The following ZNF445 variants were observed in gnomAD, a reference collection of about 807,000 sequenced individuals.
The protein encoded by ZNF445 is zinc finger protein 445, also known as zinc finger protein 168.
A neutral mutation model predicts 93.9 loss-of-function variants in ZNF445; 19 were observed. The ratio of observed to expected loss-of-function variants is 0.20; its 90% confidence interval spans 0.14 to 0.30. The LOEUF (loss-of-function observed/expected upper bound fraction) is 0.30, where lower values mean the gene tolerates loss of function less well. ZNF445 is among the 10% of genes least tolerant of loss of function. ZNF445 has a pLI of 1.00. For missense variants in ZNF445, 1,058 were observed against 1,259.4 expected (o/e 0.84, Z 2.42); for synonymous variants, 449 against 446.3 (o/e 1.01, Z -0.08).
At chr3:44,458,966 A>G (rs1428830615) in intron 1 of ZNF445, among the ~76,000 whole-genome samples, 1 of 152,240 alleles carries the variant, frequency 6.6e-6, no homozygotes, top group Non-Finnish European at 1.5e-5. Flanking sequence ...TTGTCCAGTC[A>G]CGTTTTACAT....
chr3:44,462,178 C>T (rs1368616170), intron 1 of ZNF445, among the ~76,000 whole-genome samples: 1 of 152,096 alleles, frequency 6.6e-6, no homozygotes, highest in Non-Finnish European at 1.5e-5. Context: ...GGTTTAGGAC[C>T]CCTATAAGTC....
At position 44,451,256 on chromosome 3, in the gene ZNF445, A is replaced by G. The variant is rs540164089; in HGVS notation, c.598+58T>C. On this transcript the variant is annotated intron_variant, in intron 4 of 7. Coordinates refer to ENST00000396077, the MANE Select transcript of ZNF445 (RefSeq NM_181489.6). Reference sequence around the variant, plus strand: ...AGGACAGATGTGGAAAGACAACACTACAGGAAATGCAAGAAGTGTGGCATA... The same window carrying G: ...AGGACAGATGTGGAAAGACAACACTGCAGGAAATGCAAGAAGTGTGGCATA... The G allele has an allele frequency of 3.2e-6, 5 of 1,576,244 alleles. No individual in the cohort carries two copies. The East Asian group carries it at 6.8e-5, about 21-fold the overall frequency.
At chr3:44,475,045 A>T (rs1426982238) in intron 1 of ZNF445, among the ~76,000 whole-genome samples, 1 of 151,996 alleles carries the variant, frequency 6.6e-6, no homozygotes, top group East Asian at 1.9e-4. Flanking sequence ...CAGAGGTTGC[A>T]GTGAGCTGAG....
At chr3:44,456,571 C>T (rs754438296) in intron 2 of ZNF445, among the ~76,000 whole-genome samples, 6 of 152,090 alleles carry the variant, frequency 3.9e-5, no homozygotes, top group Non-Finnish European at 5.9e-5. Context: ...GAGGAAGAGA[C>T]ACATAGGTCA....
chr3:44,449,836 T>C (rs1697932928), intron 6 of ZNF445, among the ~76,000 whole-genome samples: 1 of 152,208 alleles, frequency 6.6e-6, no homozygotes, highest in Admixed American at 6.5e-5. Context: ...ACTAGAATTT[T>C]CCAGAGGTGA....
chr3:44,463,368 C>A (rs1295045732), intron 1 of ZNF445, among the ~76,000 whole-genome samples: 1 of 152,030 alleles, frequency 6.6e-6, no homozygotes, highest in Non-Finnish European at 1.5e-5. Flanking sequence ...AGATGAGAGG[C>A]CCTAAGATAA....
Position 44,446,660 on chromosome 3 carries a change from C to T in ZNF445, c.3011G>A (p.Arg1004Lys). ...ISHKRFHTRERPFKCSKCGKT... is the reference protein window; with the variant it reads ...ISHKRFHTREKPFKCSKCGKT... ...TCCACACTTGCTGCATTTGAAGGGC[C>T]TCTCTCGAGTATGAAATCTCTTGTG... The change falls in exon 8 of 8, where the codon AGG (arginine) becomes AAG (lysine). Residue 1004 changes from arginine (R) to lysine (K), a missense_variant. By Grantham distance (26) the Arg-to-Lys change is conservative. Transcript: ENST00000396077. The surrounding 1 kb of genome is among the most constrained non-coding windows in gnomAD (Gnocchi z 4.2). The T allele has an allele frequency of 6.2e-7, 1 of 1,614,186 alleles. No individual in the cohort carries two copies. The highest frequency in any genetic ancestry group is 8.5e-7 in the Non-Finnish European group (1 of 1,180,044).
At position 44,434,583 on chromosome 3, in the gene ZNF445, T is replaced by C. The variant is rs1022584722; in HGVS notation, c.*11992A>G. ...TAATGTCATCAATATAATGGACCAG[T>C]GTGTCGTCCTGAGGGTGAAAAGGTT... On this transcript the variant is annotated 3_prime_UTR_variant, in exon 8 of 8. Coordinates refer to ENST00000396077, the MANE Select transcript of ZNF445 (RefSeq NM_181489.6). 6.6e-6 allele frequency: 1 copy of C among 152,154 alleles called. No homozygotes were observed. Among genetic ancestry groups the C allele is most frequent in the African/African-American group, 2.4e-5 (1 of 41,434 alleles). The allele number at this position is 152,154 out of a possible 1,614,324, so 9.4% of individuals were successfully genotyped here.
intron 1 of ZNF445, among the ~76,000 whole-genome samples, chr3:44,459,214 G>A (rs1047599994): frequency 2.6e-5 from 4 of 152,060 alleles, no homozygotes; most frequent in Admixed American, 6.5e-5. Flanking sequence ...TTATTGTATC[G>A]TTTACAACAT....
chr3:44,459,778 A>G (rs1007126827), intron 1 of ZNF445, among the ~76,000 whole-genome samples: 4 of 152,252 alleles, frequency 2.6e-5, no homozygotes, highest in African/African-American at 9.6e-5. Context: ...TATTCAATGA[A>G]TTGCATTGGG....
At chr3:44,466,229 T>C (rs1014839826) in intron 1 of ZNF445, among the ~76,000 whole-genome samples, 3 of 152,226 alleles carry the variant, frequency 2.0e-5, no homozygotes, top group Non-Finnish European at 4.4e-5. Flanking sequence ...GAATGATTTA[T>C]GGTGACCTGG....
At position 44,476,663 on chromosome 3, in the gene ZNF445, G is replaced by C. The variant is rs377618444; in HGVS notation, c.-269+928C>G. Among the ~76,000 whole-genome samples the C allele has an allele frequency of 5.9e-5, 9 of 152,288 alleles. No individual in the cohort carries two copies. The East Asian group carries it at 1.5e-3, about 26-fold the overall frequency. On this transcript the variant is annotated intron_variant, in intron 1 of 7. Transcript: ENST00000396077. ...GCCACCACTTTTAAATTCGGAAGGA[G>C]ACAATACTCTGATCTCTTAGGCCTG...
Position 44,446,340 on chromosome 3 carries a change from G to T in ZNF445, c.*235C>A, listed in dbSNP as rs1294131286. On this transcript the variant is annotated 3_prime_UTR_variant, in exon 8 of 8. Transcript: ENST00000396077. The surrounding 1 kb of genome is among the most constrained non-coding windows in gnomAD (Gnocchi z 4.2). ...GGCTATGGTGCAGAGGCCACTCCTA[G>T]GGGCCGGAGTCTCCAGAAGGGCTCC... is the stretch of plus-strand genomic sequence containing the variant. The T allele has an allele frequency of 3.6e-6, 2 of 560,084 alleles. No individual in the cohort carries two copies. The highest frequency in any genetic ancestry group is 6.2e-6 in the Non-Finnish European group (2 of 321,892). 34.7% of individuals were successfully genotyped at this position (560,084 alleles called of 1,614,324 possible).
chr3:44,468,159 T>C (rs1202518047), intron 1 of ZNF445, among the ~76,000 whole-genome samples: 1 of 152,188 alleles, frequency 6.6e-6, no homozygotes, highest in Non-Finnish European at 1.5e-5. Flanking sequence ...ATTCCCACTA[T>C]GTCCCCTGTC....
At chr3:44,456,563 G>A (rs1307538640) in intron 2 of ZNF445, among the ~76,000 whole-genome samples, 1 of 152,126 alleles carries the variant, frequency 6.6e-6, no homozygotes, top group Non-Finnish European at 1.5e-5. Flanking sequence ...TACTGGTGGA[G>A]GAAGAGACAC....
intron 3 of ZNF445, among the ~76,000 whole-genome samples, chr3:44,453,301 T>TA (rs1223590643): frequency 1.3e-5 from 2 of 151,256 alleles, no homozygotes; most frequent in Admixed American, 6.6e-5. Context: ...TTTTTTTTTT[T>TA]AATTTTTTTT....
chr3:44,476,105 G>T (rs190430769), intron 1 of ZNF445, among the ~76,000 whole-genome samples: 1 of 152,252 alleles, frequency 6.6e-6, no homozygotes, highest in Admixed American at 6.5e-5. Context: ...CTAACAATTC[G>T]CCTGAGAGTC....
At position 44,475,962 on chromosome 3, in the gene ZNF445, G is replaced by A. The variant is rs549893233; in HGVS notation, c.-269+1629C>T. 3.2e-3 allele frequency among the ~76,000 whole-genome samples: 485 copies of A among 152,186 alleles called. 1 individual carries two copies. The highest frequency in any genetic ancestry group is 6.8e-3 in the Middle Eastern group (2 of 294). ...TGCAGTGAGCCGAGTTTGCACCACT[G>A]CACTCCAGCCTGGGCAACAAGAGTG... On this transcript the variant is annotated intron_variant, in intron 1 of 7. Coordinates refer to ENST00000396077, the MANE Select transcript of ZNF445 (RefSeq NM_181489.6).
At chr3:44,466,058 T>C (rs1313286902) in intron 1 of ZNF445, among the ~76,000 whole-genome samples, 1 of 152,226 alleles carries the variant, frequency 6.6e-6, no homozygotes, top group Non-Finnish European at 1.5e-5. Flanking sequence ...TCTTGTTTTC[T>C]CCTTTGGGTA....
Sources: allele counts gnomAD v4.1 joint callset (sites outside exome capture counted in the v4.1 genomes callset), GRCh38; gene constraint gnomAD v4.1.1; non-coding constraint Gnocchi (gnomAD v3.1); transcripts MANE v1.5; gene names NCBI Gene and HGNC (gene_info 2026-07-23, HGNC 2026-07-21).